SLC60A1: variants seen among roughly 807,000 people sequenced by gnomAD.
SLC60A1 encodes solute carrier family 60 member 1, also known as major facilitator superfamily domain containing 4.
chr1:205,592,507 A>G, the SLC60A1 span, among the ~76,000 whole-genome samples: 133 of 151,688 alleles, frequency 8.8e-4, 2 homozygotes, highest in East Asian at 0.022. Context: ...AGCATTAGGT[A>G]TATCTCCTAA....
At chr1:205,571,718 G>T in the SLC60A1 span, among the ~76,000 whole-genome samples, 5 of 152,166 alleles carry the variant, frequency 3.3e-5, no homozygotes, top group Admixed American at 3.3e-4. Flanking sequence ...CCAGCCAGAA[G>T]CTCCACCAGC....
chr1:205,574,714 G>A, the SLC60A1 span, among the ~76,000 whole-genome samples: 4 of 152,118 alleles, frequency 2.6e-5, no homozygotes, highest in South Asian at 2.1e-4. Flanking sequence ...TGACTCTTGC[G>A]CGACAGGAGA....
the SLC60A1 span, among the ~76,000 whole-genome samples, chr1:205,590,142 G>A: frequency 6.6e-5 from 10 of 152,170 alleles, no homozygotes; most frequent in South Asian, 2.1e-4. Context: ...GTGCAAGTCC[G>A]GAGTCCTGGA....
the SLC60A1 span, among the ~76,000 whole-genome samples, chr1:205,591,220 T>G: frequency 6.6e-6 from 1 of 152,178 alleles, no homozygotes; most frequent in South Asian, 2.1e-4. Context: ...TGGGGGCTCA[T>G]GCCTGTAATC....
At chr1:205,588,327 G>A in the SLC60A1 span, among the ~76,000 whole-genome samples, 78 of 152,020 alleles carry the variant, frequency 5.1e-4, no homozygotes, top group African/African-American at 1.3e-3. Flanking sequence ...AAAATTAGCC[G>A]GGCGTGGTGG....
chr1:205,595,691 G>A, the SLC60A1 span, among the ~76,000 whole-genome samples: 1 of 152,160 alleles, frequency 6.6e-6, no homozygotes, highest in African/African-American at 2.4e-5. Context: ...GTAAAATGGG[G>A]ATGCAAATAC....
At chr1:205,602,082 CAG>C in the SLC60A1 span, 7 of 152,330 alleles carry the variant, frequency 4.6e-5, no homozygotes, top group African/African-American at 1.7e-4. Flanking sequence ...CCAGCTTAGA[CAG>C]GGATCAGTCC....
the SLC60A1 span, chr1:205,586,052 G>C: frequency 1.2e-6 from 2 of 1,605,060 alleles, no homozygotes; most frequent in East Asian, 4.5e-5. Flanking sequence ...TTCCGCCTTC[G>C]TGTACAGCTA....
At chr1:205,580,676 G>A in the SLC60A1 span, 31 of 1,598,586 alleles carry the variant, frequency 1.9e-5, no homozygotes, top group South Asian at 8.8e-5. The surrounding 1 kb of genome is among the most constrained non-coding windows in gnomAD (Gnocchi z 5.0). Context: ...CCATTTCTTC[G>A]TGGGCTTTGG....
chr1:205,584,886 C>T, the SLC60A1 span: 1 of 1,614,028 alleles, frequency 6.2e-7, no homozygotes, highest in Non-Finnish European at 8.5e-7. Context: ...GGCATGAGGA[C>T]CTGTTCAGCT....
At chr1:205,597,382 T>G in the SLC60A1 span, among the ~76,000 whole-genome samples, 1,450 of 123,188 alleles carry the variant, frequency 0.012, 70 homozygotes, top group African/African-American at 0.038. Flanking sequence ...TGTTTTTTTT[T>G]TTTTTTTTTT....
chr1:205,592,107 A>T, the SLC60A1 span: 1 of 1,611,526 alleles, frequency 6.2e-7, no homozygotes. Flanking sequence ...AGCTTTTCGC[A>T]ATTCCTAACC....
chr1:205,570,700 C>A, the SLC60A1 span, among the ~76,000 whole-genome samples: 15 of 152,306 alleles, frequency 9.8e-5, no homozygotes, highest in East Asian at 2.9e-3. Context: ...TTGGAATATA[C>A]AGAAGATTCA....
the SLC60A1 span, among the ~76,000 whole-genome samples, chr1:205,573,984 A>C: frequency 6.6e-6 from 1 of 151,876 alleles, no homozygotes; most frequent in African/African-American, 2.4e-5. Flanking sequence ...GGTGTGAGCC[A>C]CTGCGCCTGG....
At chr1:205,569,197 G>T in the SLC60A1 span, 2 of 1,551,542 alleles carry the variant, frequency 1.3e-6, no homozygotes, top group Non-Finnish European at 8.7e-7. Flanking sequence ...CTGGACCTGC[G>T]CTGTCAGACG....
At chr1:205,595,149 A>G in the SLC60A1 span, 1 of 152,264 alleles carries the variant, frequency 6.6e-6, no homozygotes, top group Non-Finnish European at 1.5e-5. Context: ...CCCCAAAAAA[A>G]CCAGAAAACA....
At chr1:205,593,879 TGA>T in the SLC60A1 span, among the ~76,000 whole-genome samples, 1 of 152,174 alleles carries the variant, frequency 6.6e-6, no homozygotes, top group Non-Finnish European at 1.5e-5. Flanking sequence ...ACAATTCCTG[TGA>T]GAGAATGAAT....
chr1:205,598,005 C>A, the SLC60A1 span: 1 of 705,552 alleles, frequency 1.4e-6, no homozygotes. Context: ...TACCTGTTTC[C>A]GTTTCCAAGC....
At chr1:205,597,382 T>TTG in the SLC60A1 span, among the ~76,000 whole-genome samples, 24 of 123,214 alleles carry the variant, frequency 1.9e-4, 1 homozygote, top group Admixed American at 3.5e-4. Context: ...TGTTTTTTTT[T>TTG]TTTTTTTTTT....
Sources: allele counts gnomAD v4.1 joint callset (sites outside exome capture counted in the v4.1 genomes callset), GRCh38; gene constraint gnomAD v4.1.1; non-coding constraint Gnocchi (gnomAD v3.1); transcripts MANE v1.5; gene names NCBI Gene and HGNC (gene_info 2026-07-23, HGNC 2026-07-21).